Variants in NPHP4 observed in about 807,000 individuals in gnomAD.
The protein encoded by NPHP4 is nephrocystin 4.
Under a neutral mutation model 155.8 loss-of-function variants are expected in NPHP4, and 151 were observed. The observed-to-expected ratio is 0.97, with a 90% CI of 0.85 to 1.11. The LOEUF is 1.11. Among genes scored for constraint, NPHP4 ranks in the 50% least tolerant of loss-of-function variants. The probability of loss-of-function intolerance (pLI) is 0.00; values close to 1 mark genes in which losing one functional copy is unlikely to be tolerated. For synonymous variants in NPHP4, 845 were observed against 816.8 expected (o/e 1.03, Z -0.59); for missense variants, 1,956 against 1,925.7 (o/e 1.02, Z -0.29).
intron 19 of NPHP4, among the ~76,000 whole-genome samples, chr1:5,878,778 G>C (rs973086876): frequency 6.6e-6 from 1 of 152,196 alleles, no homozygotes; most frequent in Non-Finnish European, 1.5e-5. Flanking sequence ...CCTGGAGGCA[G>C]GGTTTTATCA....
intron 16 of NPHP4, among the ~76,000 whole-genome samples, chr1:5,895,267 G>A (rs1362572778): frequency 2.0e-5 from 3 of 152,034 alleles, no homozygotes; most frequent in African/African-American, 7.3e-5. Context: ...CACCAACATG[G>A]CACATGTATA....
chr1:5,941,188 T>C (rs890466637), intron 9 of NPHP4, among the ~76,000 whole-genome samples: 6 of 145,804 alleles, frequency 4.1e-5, no homozygotes, highest in Non-Finnish European at 8.9e-5. Flanking sequence ...TAAGTCACCA[T>C]GGCAAAGGGG....
chr1:5,953,533 C>T (rs1648601381), intron 6 of NPHP4, among the ~76,000 whole-genome samples: 4 of 152,238 alleles, frequency 2.6e-5, no homozygotes, highest in African/African-American at 4.8e-5. Flanking sequence ...CGGCCAGCCA[C>T]GCCGCTCCTT....
At chr1:5,954,948 A>G (rs1039861773) in intron 6 of NPHP4, among the ~76,000 whole-genome samples, 9 of 152,216 alleles carry the variant, frequency 5.9e-5, no homozygotes, top group African/African-American at 2.2e-4. Flanking sequence ...TAACCTGCAC[A>G]ATGGGAGAAA....
intron 11 of NPHP4, among the ~76,000 whole-genome samples, chr1:5,918,329 G>A (rs984389638): frequency 3.3e-5 from 5 of 152,064 alleles, no homozygotes; most frequent in African/African-American, 1.2e-4. Context: ...AGGTAAAAAG[G>A]AAATAAAAAT....
chr1:5,964,941 A>ATATATTTTTTTTTTTTTTTTTTTT, intron 5 of NPHP4, among the ~76,000 whole-genome samples: 2 of 59,416 alleles, frequency 3.4e-5, no homozygotes, highest in African/African-American at 1.7e-4. Context: ...ATATATATAT[A>ATATATTTTTTTTTTTTTTTTTTTT]TTTTTTTTTT....
At chr1:5,902,905 G>C (rs900863893) in intron 16 of NPHP4, among the ~76,000 whole-genome samples, 1 of 152,146 alleles carries the variant, frequency 6.6e-6, no homozygotes, top group Admixed American at 6.5e-5. Context: ...TTGTAGGGGA[G>C]GGAGTGACTG....
chr1:5,893,329 C>T lies in NPHP4; in HGVS notation c.2144-2301G>A, dbSNP rs368931716. On this transcript the variant is annotated intron_variant, in intron 16 of 29. Coordinates refer to ENST00000378156, the MANE Select transcript of NPHP4 (RefSeq NM_015102.5). ...GGTAGTGGCCCCGAATGTCTGGTTG[C>T]GCTGTTATTTATTGGATACAAAGCA... is the stretch of plus-strand genomic sequence containing the variant. Among the ~76,000 whole-genome samples the T allele has an allele frequency of 5.1e-4, 78 of 152,172 alleles. No individual in the cohort carries two copies. In the East Asian group the frequency reaches 0.011, roughly 21 times the overall value.
intron 6 of NPHP4, among the ~76,000 whole-genome samples, chr1:5,957,070 T>C (rs1649378825): frequency 6.6e-6 from 1 of 152,180 alleles, no homozygotes; most frequent in East Asian, 1.9e-4. Context: ...ACGGCAGACA[T>C]GAACCCCACC....
chr1:5,869,126 C>G (rs934737258), intron 23 of NPHP4, among the ~76,000 whole-genome samples: 2 of 109,658 alleles, frequency 1.8e-5, no homozygotes, highest in East Asian at 2.6e-4. Context: ...CACACACGCA[C>G]AATGCACACA....
intron 19 of NPHP4, chr1:5,877,555 C>T (rs982507234): frequency 7.3e-5 from 26 of 356,896 alleles, no homozygotes; most frequent in Admixed American, 1.4e-4. Flanking sequence ...TTAGATCCAA[C>T]GCTGTCAACA....
In NPHP4 at chr1:5,874,680, G is replaced by A. The variant is rs115239596; in HGVS notation, c.3045-23C>T. On this transcript the variant is annotated intron_variant, in intron 21 of 29. Transcript: ENST00000378156. ...ACGCTGGGGGAGGCAGTGTCCAGGC[G>A]TCAGGGCAGTTCTTCCCAGGAGGAC... 7.4e-4 allele frequency: 1,197 copies of A among 1,607,636 alleles called. 8 individuals carry two copies. In the African/African-American group the frequency reaches 0.011, roughly 15 times the overall value.
intron 9 of NPHP4, among the ~76,000 whole-genome samples, chr1:5,946,355 T>C (rs1222000776): frequency 6.6e-6 from 1 of 152,270 alleles, no homozygotes; most frequent in Non-Finnish European, 1.5e-5. Context: ...TCTATAGGTA[T>C]ATATAAAGTT....
chr1:5,888,391 TC>T, intron 17 of NPHP4: 1 of 1,092,540 alleles, frequency 9.2e-7, no homozygotes, highest in Non-Finnish European at 1.1e-6. Context: ...CAGATGAGGT[TC>T]CGGATTTTGT....
chr1:5,979,481 C>T (rs1191612592), intron 2 of NPHP4, among the ~76,000 whole-genome samples: 1 of 152,184 alleles, frequency 6.6e-6, no homozygotes, highest in African/African-American at 2.4e-5. Flanking sequence ...GAAGAGAGCA[C>T]ACGTGCTCCA....
In NPHP4 at chr1:5,978,379, T is replaced by C; in HGVS notation, c.170A>G (p.His57Arg). 2 of 1,607,284 alleles carry C rather than the reference T, an allele frequency of 1.2e-6. No homozygotes were observed. ...GACATCAAAGAAAGACACTCGCAGA[T>C]GGCATTCAACCTCTGACAGTACCTC... Reference protein sequence around the residue: ...VLEVLSEVECHLRVSFFDVTY... With the variant: ...VLEVLSEVECRLRVSFFDVTY... Residue 57 changes from histidine to arginine, a missense_variant, in exon 3 of 30, where the codon CAT (histidine) becomes CGT (arginine). By Grantham distance (29) the His-to-Arg change is conservative. Coordinates refer to ENST00000378156, the MANE Select transcript of NPHP4 (RefSeq NM_015102.5).
At chr1:5,879,666 CG>C (rs1557633586) in intron 19 of NPHP4, 4 of 510,810 alleles carry the variant, frequency 7.8e-6, no homozygotes, top group Non-Finnish European at 1.6e-5. Context: ...TGTGGTGGCT[CG>C]GTGGGGCCTG....
intron 17 of NPHP4, among the ~76,000 whole-genome samples, chr1:5,887,890 A>G (rs61447465): frequency 3.9e-5 from 6 of 152,172 alleles, no homozygotes; most frequent in South Asian, 2.1e-4. Context: ...GGAAACCCCA[A>G]TGGGACTCCA....
intron 1 of NPHP4, among the ~76,000 whole-genome samples, chr1:5,988,406 T>C (rs1043555415): frequency 5.3e-5 from 8 of 152,240 alleles, no homozygotes; most frequent in African/African-American, 1.7e-4. Context: ...TGTAAAGATA[T>C]TTGCAAGAAT....
Sources: allele counts gnomAD v4.1 joint callset (sites outside exome capture counted in the v4.1 genomes callset), GRCh38; gene constraint gnomAD v4.1.1; transcripts MANE v1.5; gene names NCBI Gene and HGNC (gene_info 2026-07-23, HGNC 2026-07-21).